Variants in SH3RF1 observed in about 807,000 individuals in gnomAD.
SH3RF1 encodes the protein SH3 domain containing ring finger 1.
SH3RF1 carries 32 observed loss-of-function variants against 74.0 expected under a neutral mutation model. The observed-to-expected ratio is 0.43, with a 90% CI of 0.33 to 0.58. The LOEUF (loss-of-function observed/expected upper bound fraction) is 0.58. Among genes scored for constraint, SH3RF1 ranks in the 20% least tolerant of loss-of-function variants. The pLI, the probability that SH3RF1 is intolerant of heterozygous loss-of-function variation, is 0.05. For missense variants in SH3RF1, 954 were observed against 1,130.9 expected, an observed-to-expected ratio of 0.84 and a Z score of 2.24; for synonymous variants, 396 against 439.6, an observed-to-expected ratio of 0.90 and a Z score of 1.24.
chr4:169,151,325 A>G (rs1479964717), intron 4 of SH3RF1, among the ~76,000 whole-genome samples: 1 of 152,270 alleles, frequency 6.6e-6, no homozygotes, highest in African/African-American at 2.4e-5. Flanking sequence ...AATAATAACA[A>G]TGGTGATAAT....
intron 2 of SH3RF1, among the ~76,000 whole-genome samples, chr4:169,173,053 ATAAT>A (rs967579176): frequency 2.0e-5 from 3 of 152,234 alleles, no homozygotes; most frequent in Non-Finnish European, 4.4e-5. Flanking sequence ...TGTTTACTAA[ATAAT>A]TAAGATATAC....
chr4:169,137,890 T>C (rs532577834), intron 4 of SH3RF1, among the ~76,000 whole-genome samples: 1 of 152,306 alleles, frequency 6.6e-6, no homozygotes, highest in Admixed American at 6.5e-5. Context: ...AGGTGGCTTG[T>C]CTCATCTATA....
At chr4:169,236,946 C>T (rs6814821) in intron 2 of SH3RF1, among the ~76,000 whole-genome samples, 21,201 of 152,148 alleles carry the variant, frequency 0.14, 1,578 homozygotes, top group Middle Eastern at 0.19. Context: ...AGAAGAGAGA[C>T]GATTGTATTT....
chr4:169,131,672 A>G (rs1222761073), intron 5 of SH3RF1, among the ~76,000 whole-genome samples: 1 of 152,214 alleles, frequency 6.6e-6, no homozygotes, highest in Non-Finnish European at 1.5e-5. Context: ...AAATGGACCA[A>G]AGGCAACTTT....
chr4:169,156,975 T>C lies in SH3RF1; in HGVS notation c.394-296A>G, dbSNP rs560313496. ...TTCTTTCTTTGAGGTTATCAGTATA[T>C]GAAAGCATGACTGCCAGGTCTGCCT... On this transcript the variant is annotated intron_variant, in intron 2 of 11. Coordinates refer to ENST00000284637, the MANE Select transcript of SH3RF1 (RefSeq NM_020870.4). Among the ~76,000 whole-genome samples the C allele has an allele frequency of 6.6e-5, 10 of 152,330 alleles. No individual in the cohort carries two copies. In the South Asian group the frequency reaches 1.9e-3, roughly 28 times the overall value.
At chr4:169,246,831 C>T (rs1023028888) in intron 2 of SH3RF1, among the ~76,000 whole-genome samples, 1 of 152,206 alleles carries the variant, frequency 6.6e-6, no homozygotes, top group African/African-American at 2.4e-5. Context: ...AAATCCCATT[C>T]AAATTTTTTC....
intron 2 of SH3RF1, among the ~76,000 whole-genome samples, chr4:169,189,867 T>A (rs1229599462): frequency 2.0e-5 from 3 of 152,194 alleles, no homozygotes; most frequent in Non-Finnish European, 4.4e-5. Context: ...AATGAAATTA[T>A]ATCAAGCACT....
chr4:169,153,955 C>T (rs1734012358), intron 4 of SH3RF1, among the ~76,000 whole-genome samples: 1 of 152,124 alleles, frequency 6.6e-6, no homozygotes, highest in African/African-American at 2.4e-5. Flanking sequence ...ATTCTATACT[C>T]GCCCAATAAC....
intron 2 of SH3RF1, among the ~76,000 whole-genome samples, chr4:169,210,913 G>A (rs1730350277): frequency 6.6e-6 from 1 of 152,142 alleles, no homozygotes. Flanking sequence ...GGGACTTCCC[G>A]ATTTGCAAAT....
intron 4 of SH3RF1, among the ~76,000 whole-genome samples, chr4:169,142,404 C>T (rs929056211): frequency 6.6e-6 from 1 of 152,150 alleles, no homozygotes; most frequent in Admixed American, 6.5e-5. Flanking sequence ...TAACATCATG[C>T]TTTAAAAACC....
At chr4:169,166,002 T>A (rs1734235950) in intron 2 of SH3RF1, among the ~76,000 whole-genome samples, 1 of 152,048 alleles carries the variant, frequency 6.6e-6, no homozygotes, top group Admixed American at 6.5e-5. Flanking sequence ...GCTAAAACTG[T>A]AAGTTTTATA....
rs139358685 is a variant in SH3RF1 at position 169,178,071 on chromosome 4, T to C, written c.394-21392A>G. 3.7e-3 allele frequency among the ~76,000 whole-genome samples: 564 copies of C among 151,830 alleles called. 4 individuals are homozygous for C. The highest frequency in any genetic ancestry group is 0.013 in the African/African-American group (543 of 41,372). On this transcript the variant is annotated intron_variant, in intron 2 of 11. Transcript: ENST00000284637. ...GCCTGGCCAACATGGTGAAACCCTG[T>C]CTCTACTAAAAATACAAAAATTAGC... is the stretch of plus-strand genomic sequence containing the variant.
intron 8 of SH3RF1, 108 bp from the exon 9 acceptor site, chr4:169,117,890 A>G: frequency 7.7e-7 from 1 of 1,296,444 alleles, no homozygotes; most frequent in Non-Finnish European, 1.0e-6. Flanking sequence ...AGAACATTTT[A>G]AAAAATGAAT....
At chr4:169,099,550 T>C (rs1207918268) in intron 11 of SH3RF1, among the ~76,000 whole-genome samples, 1 of 152,196 alleles carries the variant, frequency 6.6e-6, no homozygotes, top group African/African-American at 2.4e-5. Flanking sequence ...AAGGCAAAGC[T>C]TTATAATTCT....
At chr4:169,201,081 G>A (rs1734899594) in intron 2 of SH3RF1, among the ~76,000 whole-genome samples, 1 of 152,118 alleles carries the variant, frequency 6.6e-6, no homozygotes, top group Admixed American at 6.5e-5. Context: ...CACCATTTCT[G>A]ATTACTGGCA....
chr4:169,122,045 T>G lies in SH3RF1; in HGVS notation c.1346+55A>C, dbSNP rs1435858886. The G allele has an allele frequency of 4.5e-5, 72 of 1,593,894 alleles. No individual in the cohort carries two copies. The Middle Eastern group carries it at 9.1e-4, about 20-fold the overall frequency. On this transcript the variant is annotated intron_variant, in intron 7 of 11. Coordinates refer to ENST00000284637, the MANE Select transcript of SH3RF1 (RefSeq NM_020870.4). ...GAAAGGTGTTTCTTGACCTCTGAGG[T>G]TTGGACTTCGTTTAAATGAACACAT...
intron 5 of SH3RF1, among the ~76,000 whole-genome samples, chr4:169,131,133 C>A (rs1389561423): frequency 6.6e-6 from 1 of 152,212 alleles, no homozygotes; most frequent in African/African-American, 2.4e-5. Flanking sequence ...TCCCAGAGGA[C>A]CTAATGGAAA....
intron 2 of SH3RF1, among the ~76,000 whole-genome samples, chr4:169,159,647 G>A (rs1734120305): frequency 6.6e-6 from 1 of 152,182 alleles, no homozygotes; most frequent in African/African-American, 2.4e-5. Context: ...CCAGCAGGCA[G>A]TACATGCTAC....
intron 11 of SH3RF1, among the ~76,000 whole-genome samples, chr4:169,099,619 T>G (rs1732984172): frequency 6.6e-6 from 1 of 152,202 alleles, no homozygotes; most frequent in Non-Finnish European, 1.5e-5. Context: ...ATGAGATATA[T>G]TCCCTACTTG....
Sources: allele counts gnomAD v4.1 joint callset (sites outside exome capture counted in the v4.1 genomes callset), GRCh38; gene constraint gnomAD v4.1.1; transcripts MANE v1.5; gene names NCBI Gene and HGNC (gene_info 2026-07-23, HGNC 2026-07-21).